The following ST6GALNAC6 variants were observed in gnomAD, a reference collection of about 807,000 sequenced individuals.
ST6GALNAC6 encodes alpha-N-acetylgalactosaminide alpha-2,6-sialyltransferase 6.
A neutral mutation model predicts 34.3 loss-of-function variants in ST6GALNAC6; 19 were observed. The observed-to-expected ratio is 0.55, with a 90% confidence interval of 0.39 to 0.81. ST6GALNAC6 has a LOEUF of 0.81. Among genes scored for constraint, ST6GALNAC6 ranks in the 40% least tolerant of loss-of-function variants. The pLI, the probability that ST6GALNAC6 is intolerant of heterozygous loss-of-function variation, is 0.00. For synonymous variants in ST6GALNAC6, 185 were observed against 182.1 expected (o/e 1.02, Z -0.13); for missense variants, 377 against 467.7 (o/e 0.81, Z 1.79).
intron 2 of ST6GALNAC6, chr9:127,897,400 G>C: frequency 7.1e-6 from 7 of 986,484 alleles, no homozygotes; most frequent in Non-Finnish European, 8.4e-6. Context: ...ACGGCCACCA[G>C]GAATAGCCAG....
upstream of ST6GALNAC6, chr9:127,905,440 G>A (rs997052212): frequency 3.4e-4 from 337 of 985,516 alleles, 1 homozygote; most frequent in Non-Finnish European, 7.5e-5. Context: ...CAGGTTAGAG[G>A]AGCCTCTGTG....
Position 127,890,541 on chromosome 9 carries a change from C to CA in ST6GALNAC6, c.704+95dup. The CA allele has an allele frequency of 1.3e-6, 2 of 1,560,738 alleles. No individual in the cohort carries two copies. On this transcript the variant is annotated intron_variant, in intron 5 of 6. Transcript: ENST00000373146. The surrounding 1 kb of genome is among the most constrained non-coding windows in gnomAD (Gnocchi z 4.3). ...AGGACGGCGGGACTTGACTACCCCT[C>CA]AGAGCAGTGCATGCTGGGAGCAACA...
At position 127,894,662 on chromosome 9, in the gene ST6GALNAC6, G is replaced by C; in HGVS notation, c.147C>G (p.Leu49=). ...GGATGAGGATGGTGATGAGGGCAAAGAGGATCACGAACACTGCTGACCGCT... is the reference window on the plus strand; with the variant it reads ...GGATGAGGATGGTGATGAGGGCAAACAGGATCACGAACACTGCTGACCGCT... The part of the protein sequence containing the change: ...KEQRSAVFVI[L]FALITILILY... The change falls in exon 4 of 7, where the codon CTC becomes CTG. Residue 49 remains leucine (L), a synonymous_variant. Coordinates refer to ENST00000373146, the MANE Select transcript of ST6GALNAC6 (RefSeq NM_013443.5). 6.2e-7 allele frequency: 1 copy of C among 1,614,230 alleles called. No homozygotes were observed. Among genetic ancestry groups the C allele is most frequent in the Non-Finnish European group, 8.5e-7 (1 of 1,180,042 alleles).
intron 4 of ST6GALNAC6, among the ~76,000 whole-genome samples, 171 bp downstream of exon 4, chr9:127,894,341 G>A (rs1357439254): frequency 6.6e-6 from 1 of 152,122 alleles, no homozygotes; most frequent in African/African-American, 2.4e-5. Context: ...AGAGAACTGA[G>A]GCCCAGACAG....
At position 127,899,520 on chromosome 9, in the gene ST6GALNAC6, C is replaced by T; in HGVS notation, c.-47G>A. ...CTGCTCACCTCCGGCGGGGAGCGCCCGGCCCCCCGCGGCCCCCGAGCCCCC... is the reference window on the plus strand; with the variant it reads ...CTGCTCACCTCCGGCGGGGAGCGCCTGGCCCCCCGCGGCCCCCGAGCCCCC... On this transcript the variant is annotated 5_prime_UTR_variant, in exon 1 of 7. Coordinates refer to ENST00000373146, the MANE Select transcript of ST6GALNAC6 (RefSeq NM_013443.5). The T allele has an allele frequency of 1.5e-5, 15 of 980,524 alleles. No homozygotes were observed. Among genetic ancestry groups the T allele is most frequent in the Non-Finnish European group, 1.8e-5 (15 of 827,678 alleles). The allele number at this position is 980,524 out of a possible 1,614,324, so 60.7% of individuals were successfully genotyped here.
In ST6GALNAC6 at chr9:127,898,153, G is replaced by GA; in HGVS notation, c.-29-144_-29-143insT. ...CTCACGTCTGTAATCCCAGCCCTTT[G>GA]GGAGGCCGAGGTGGGCAGATCACTA... is the stretch of plus-strand genomic sequence containing the variant. On this transcript the variant is annotated intron_variant, in intron 1 of 6. Coordinates refer to ENST00000373146, the MANE Select transcript of ST6GALNAC6 (RefSeq NM_013443.5). 1.6e-5 allele frequency: 10 copies of GA among 631,434 alleles called. No homozygotes were observed. The South Asian group carries it at 1.8e-4, about 11-fold the overall frequency. 39.1% of individuals were successfully genotyped at this position (631,434 alleles called of 1,614,324 possible).
At chr9:127,891,326 T>C (rs1830121643) in intron 4 of ST6GALNAC6, among the ~76,000 whole-genome samples, 1 of 151,996 alleles carries the variant, frequency 6.6e-6, no homozygotes. Context: ...AAGAAAATAG[T>C]GGCAAATGGC....
chr9:127,894,425 G>C, intron 4 of ST6GALNAC6, 87 bp downstream of exon 4: 1 of 1,508,372 alleles, frequency 6.6e-7, no homozygotes, highest in Non-Finnish European at 9.0e-7. Context: ...TTGACTCTCA[G>C]GGTCCACCTT....
rs1830080868 is a variant in ST6GALNAC6, at chr9:127,890,705, T to C, written c.636A>G (p.Ala212=). 3.1e-6 allele frequency: 5 copies of C among 1,613,702 alleles called. No homozygotes were observed. Among genetic ancestry groups the C allele is most frequent in the Non-Finnish European group, 4.2e-6 (5 of 1,180,008 alleles). ...GCATGCGGCCGGGAGAGACGGCATA[T>C]GCTTCCATGTTGGGGAACACCAGGC... is the stretch of plus-strand genomic sequence containing the variant. ...RAGLVFPNME[A]YAVSPGRMRQ... is the part of the protein sequence containing the mutation. The change falls in exon 5 of 7, where the codon GCA becomes GCG. Residue 212 remains alanine (A), a synonymous_variant. Coordinates refer to ENST00000373146, the MANE Select transcript of ST6GALNAC6 (RefSeq NM_013443.5). This position sits in a 1 kb window ranked among gnomAD's most constrained non-coding sequence, Gnocchi z 4.3.
chr9:127,896,178 A>AG (rs1830440586), intron 3 of ST6GALNAC6, 64 bp downstream of exon 3: 1 of 1,573,662 alleles, frequency 6.4e-7, no homozygotes, highest in Admixed American at 1.7e-5. Context: ...ACAGGTCCAA[A>AG]GGAACCCGTT....
At chr9:127,889,916 G>C (rs1448108159) in intron 5 of ST6GALNAC6, among the ~76,000 whole-genome samples, 1 of 152,048 alleles carries the variant, frequency 6.6e-6, no homozygotes, top group Non-Finnish European at 1.5e-5. Context: ...ATATATTAAA[G>C]TTGCTTTTAC....
At chr9:127,896,186 G>A (rs979129329) in intron 3 of ST6GALNAC6, 56 bp downstream of exon 3, 40 of 1,584,512 alleles carry the variant, frequency 2.5e-5, no homozygotes, top group South Asian at 9.9e-5. Flanking sequence ...AAAGGAACCC[G>A]TTCCATGGAG....
chr9:127,897,314 C>T, intron 2 of ST6GALNAC6: 6 of 985,952 alleles, frequency 6.1e-6, no homozygotes, highest in Non-Finnish European at 7.2e-6. Flanking sequence ...CCCTCCTCAG[C>T]TCCGTCCCCT....
Position 127,886,796 on chromosome 9 carries a change from A to G in ST6GALNAC6, c.813-8T>C. ...TGGAGGCGGGGCCGCTGGCTGGGAC[A>G]GAGCAGACGGGCGTCATCAGGGCAA... On this transcript the variant is annotated splice_region_variant and splice_polypyrimidine_tract_variant and intron_variant, in intron 6 of 6. Coordinates refer to ENST00000373146, the MANE Select transcript of ST6GALNAC6 (RefSeq NM_013443.5). 6.3e-7 allele frequency: 1 copy of G among 1,592,530 alleles called. No homozygotes were observed. The highest frequency in any genetic ancestry group is 8.6e-7 in the Non-Finnish European group (1 of 1,169,142).
intron 6 of ST6GALNAC6, 152 bp from the exon 7 acceptor site, chr9:127,886,940 T>C (rs1829800774): frequency 4.0e-6 from 3 of 747,102 alleles, no homozygotes; most frequent in Non-Finnish European, 4.0e-6. Flanking sequence ...GGGTGCAGGG[T>C]AGACTAGGTG....
In ST6GALNAC6 at chr9:127,890,823, T is replaced by A. The variant is rs770939064; in HGVS notation, c.518A>T (p.Asn173Ile). ...GATGAACACGGTTTCAGGGGTCCGG[T>A]TGACAAACTCCTGGGGCCTCCTCAG... ...RVLRRPQEFV[N>I]RTPETVFIFW... The change falls in exon 5 of 7, where the codon AAC (asparagine) becomes ATC (isoleucine). Residue 173 changes from asparagine to isoleucine, a missense_variant. Asn to Ile is a moderately radical substitution (Grantham distance 149). Transcript: ENST00000373146. The surrounding 1 kb of genome is among the most constrained non-coding windows in gnomAD (Gnocchi z 4.3). 1 of 1,613,770 alleles carries A rather than the reference T, an allele frequency of 6.2e-7. No homozygotes were observed. The highest frequency in any genetic ancestry group is 8.5e-7 in the Non-Finnish European group (1 of 1,179,800).
intron 5 of ST6GALNAC6, among the ~76,000 whole-genome samples, chr9:127,888,047 C>A (rs1255529366): frequency 6.6e-6 from 1 of 152,188 alleles, no homozygotes; most frequent in East Asian, 1.9e-4. Context: ...ACTACAGTGG[C>A]CACCAGCCAT....
At chr9:127,892,156 A>T (rs1830185333) in intron 4 of ST6GALNAC6, among the ~76,000 whole-genome samples, 1 of 152,166 alleles carries the variant, frequency 6.6e-6, no homozygotes, top group Non-Finnish European at 1.5e-5. Context: ...CATCTCAAAA[A>T]ACAAAACAAA....
upstream of ST6GALNAC6, among the ~76,000 whole-genome samples, chr9:127,901,763 C>G (rs182779115): frequency 6.6e-6 from 1 of 152,060 alleles, no homozygotes; most frequent in Non-Finnish European, 1.5e-5. Context: ...GAAGCCCAGT[C>G]TCTACTAAAA....
Sources: allele counts gnomAD v4.1 joint callset (sites outside exome capture counted in the v4.1 genomes callset), GRCh38; gene constraint gnomAD v4.1.1; non-coding constraint Gnocchi (gnomAD v3.1); transcripts MANE v1.5; gene names NCBI Gene and HGNC (gene_info 2026-07-23, HGNC 2026-07-21).